The following DLGAP1 variants were observed in gnomAD, a reference collection of about 807,000 sequenced individuals.
DLGAP1 encodes DLG associated protein 1.
In DLGAP1, 11 loss-of-function variants were observed where a neutral mutation model predicts 90.8. That is an observed-to-expected ratio of 0.12 (90% CI 0.08 to 0.20). The LOEUF (loss-of-function observed/expected upper bound fraction) is 0.20, where lower values mean the gene tolerates loss of function less well. Ranked by LOEUF, DLGAP1 falls within the 10% of genes least tolerant of loss-of-function variation. The pLI is 1.00. For missense variants in DLGAP1, 1,050 were observed against 1,333.8 expected (o/e 0.79, Z 3.31); for synonymous variants, 558 against 540.7 (o/e 1.03, Z -0.44).
chr18:4,300,556 C>T (rs1284081084), intron 1 of DLGAP1, among the ~76,000 whole-genome samples: 4 of 152,040 alleles, frequency 2.6e-5, no homozygotes, highest in African/African-American at 9.7e-5. Flanking sequence ...TGTTTTAAGC[C>T]TTACAGCCAC....
chr18:3,711,572 C>G lies in DLGAP1; in HGVS notation c.1591+17563G>C, dbSNP rs2061598233. ...ACAGAAATCCAGCCGGGTGTGGTGGCTCATGCTTCTAATGCCGGCACTTTG... is the reference window on the plus strand; with the variant it reads ...ACAGAAATCCAGCCGGGTGTGGTGGGTCATGCTTCTAATGCCGGCACTTTG... On this transcript the variant is annotated intron_variant, in intron 7 of 12. Coordinates refer to ENST00000315677, the MANE Select transcript of DLGAP1 (RefSeq NM_004746.4). This position sits in a 1 kb window ranked among gnomAD's most constrained non-coding sequence, Gnocchi z 4.0. Among the ~76,000 whole-genome samples, 1 of 152,170 alleles carries G rather than the reference C, an allele frequency of 6.6e-6. No individual in the cohort carries two copies. Among genetic ancestry groups the G allele is most frequent in the Non-Finnish European group, 1.5e-5 (1 of 68,034 alleles).
chr18:3,501,448 AC>A (rs2049928988), intron 12 of DLGAP1, among the ~76,000 whole-genome samples: 1 of 151,920 alleles, frequency 6.6e-6, no homozygotes, highest in South Asian at 2.1e-4. Flanking sequence ...TAACACTACG[AC>A]CCCCATTTTG....
chr18:4,331,525 T>G (rs568458036), intron 1 of DLGAP1, among the ~76,000 whole-genome samples: 1 of 151,878 alleles, frequency 6.6e-6, no homozygotes, highest in African/African-American at 2.4e-5. Context: ...TTCATGCCAT[T>G]TCTTGTACCA....
At chr18:4,031,290 T>A (rs2074792187) in intron 2 of DLGAP1, among the ~76,000 whole-genome samples, 1 of 152,188 alleles carries the variant, frequency 6.6e-6, no homozygotes, top group Admixed American at 6.5e-5. Context: ...TTTTAGCTGG[T>A]TAATCAGTAT....
rs921381641 is a variant in DLGAP1 at position 4,289,548 on chromosome 18, C to T, written c.-266-138261G>A. 5.3e-5 allele frequency among the ~76,000 whole-genome samples: 8 copies of T among 152,174 alleles called. No individual in the cohort carries two copies. The South Asian group carries it at 1.7e-3, about 32-fold the overall frequency. ...TACCCAAAGTAGCCAAATTTGATTC[C>T]GTAACTGTTAAAATGTTCTTCATGG... On this transcript the variant is annotated intron_variant, in intron 1 of 12. Coordinates refer to ENST00000315677, the MANE Select transcript of DLGAP1 (RefSeq NM_004746.4).
intron 2 of DLGAP1, among the ~76,000 whole-genome samples, chr18:4,083,982 C>CG (rs1226218126): frequency 1.3e-5 from 2 of 152,060 alleles, no homozygotes; most frequent in Non-Finnish European, 1.5e-5. Context: ...TCGGATCACA[C>CG]GGGGGCTTGG....
At chr18:3,551,331 C>A (rs2144805534) in intron 9 of DLGAP1, among the ~76,000 whole-genome samples, 1 of 152,040 alleles carries the variant, frequency 6.6e-6, no homozygotes, top group South Asian at 2.1e-4. Flanking sequence ...CTCACTGCAA[C>A]CTCCACCTCC....
At chr18:4,177,203 C>T (rs926055256) in intron 1 of DLGAP1, among the ~76,000 whole-genome samples, 1 of 152,144 alleles carries the variant, frequency 6.6e-6, no homozygotes, top group African/African-American at 2.4e-5. Context: ...TCAGTATATG[C>T]CCCTTGCAAA....
At chr18:4,447,437 C>CT (rs1469591286) in intron 1 of DLGAP1, among the ~76,000 whole-genome samples, 1 of 152,070 alleles carries the variant, frequency 6.6e-6, no homozygotes, top group Non-Finnish European at 1.5e-5. Flanking sequence ...GACTATATTG[C>CT]TTAGGTACAC....
At chr18:3,693,276 T>C (rs2060963559) in intron 7 of DLGAP1, among the ~76,000 whole-genome samples, 2 of 151,990 alleles carry the variant, frequency 1.3e-5, no homozygotes, top group African/African-American at 4.8e-5. Context: ...TTGTAGAGAT[T>C]GGGGTCTCCC....
chr18:3,496,760 T>C lies in DLGAP1; in HGVS notation c.*2425A>G, dbSNP rs1568072986. ...CAGTTTCAGGGGTCAAGCAGCATTG[T>C]GTGGGGTCATGTTCTAACACCAATA... On this transcript the variant is annotated 3_prime_UTR_variant, in exon 13 of 13. Coordinates refer to ENST00000315677, the MANE Select transcript of DLGAP1 (RefSeq NM_004746.4). The C allele has an allele frequency of 1.3e-5, 2 of 152,212 alleles. No homozygotes were observed. Among genetic ancestry groups the C allele is most frequent in the Non-Finnish European group, 2.9e-5 (2 of 68,040 alleles). The allele number at this position is 152,212 out of a possible 1,614,324, so 9.4% of individuals were successfully genotyped here.
chr18:3,934,638 T>C (rs1353162576), intron 3 of DLGAP1, among the ~76,000 whole-genome samples: 1 of 152,122 alleles, frequency 6.6e-6, no homozygotes, highest in Non-Finnish European at 1.5e-5. Flanking sequence ...ATTTTCAGAA[T>C]TAAGAGTAAT....
At chr18:3,893,557 C>T (rs112448625) in intron 3 of DLGAP1, among the ~76,000 whole-genome samples, 2,976 of 149,736 alleles carry the variant, frequency 0.02, 94 homozygotes, top group African/African-American at 0.069. Context: ...CCAGCCTGGG[C>T]GACAAGAGCA....
At chr18:3,766,370 C>T (rs894647924) in intron 5 of DLGAP1, among the ~76,000 whole-genome samples, 26 of 152,104 alleles carry the variant, frequency 1.7e-4, no homozygotes, top group African/African-American at 5.8e-4. Context: ...GAAAAATTCA[C>T]GATTGTAGTT....
chr18:3,934,327 A>G (rs28544365), intron 3 of DLGAP1, among the ~76,000 whole-genome samples: 11,211 of 152,228 alleles, frequency 0.074, 858 homozygotes, highest in African/African-American at 0.2. Flanking sequence ...GGAAAGGAGA[A>G]ACTCTCCAGA....
At chr18:4,061,267 T>C (rs2075294039) in intron 2 of DLGAP1, among the ~76,000 whole-genome samples, 1 of 152,198 alleles carries the variant, frequency 6.6e-6, no homozygotes, top group African/African-American at 2.4e-5. Flanking sequence ...ATTATAAGAA[T>C]ACATGGGAAT....
chr18:4,104,101 G>A (rs2075822461), intron 2 of DLGAP1, among the ~76,000 whole-genome samples: 1 of 151,862 alleles, frequency 6.6e-6, no homozygotes, highest in African/African-American at 2.4e-5. Flanking sequence ...TAAGATAATT[G>A]CAGTCTTTTT....
intron 7 of DLGAP1, among the ~76,000 whole-genome samples, chr18:3,695,092 A>G (rs2061046987): frequency 6.6e-6 from 1 of 151,516 alleles, no homozygotes; most frequent in African/African-American, 2.4e-5. Flanking sequence ...GGCACCCACC[A>G]TTATGCCCGG....
At chr18:3,513,887 T>C (rs543862296) in intron 10 of DLGAP1, among the ~76,000 whole-genome samples, 7 of 152,280 alleles carry the variant, frequency 4.6e-5, no homozygotes, top group African/African-American at 1.7e-4. Context: ...GGAGGTAGTA[T>C]AAGAGGCACA....
Sources: allele counts gnomAD v4.1 joint callset (sites outside exome capture counted in the v4.1 genomes callset), GRCh38; gene constraint gnomAD v4.1.1; non-coding constraint Gnocchi (gnomAD v3.1); transcripts MANE v1.5; gene names NCBI Gene and HGNC (gene_info 2026-07-23, HGNC 2026-07-21).